The following MYOF variants were observed in gnomAD, a reference collection of about 807,000 sequenced individuals.
The protein encoded by MYOF is fer-1-like 3, myoferlin.
MYOF carries 244 observed loss-of-function variants against 284.2 expected under a neutral mutation model. The observed-to-expected ratio is 0.86, with a 90% CI of 0.77 to 0.95. MYOF has a LOEUF of 0.95. MYOF is among the 40% of genes least tolerant of loss of function. MYOF has a pLI of 0.00. For missense variants in MYOF, 2,496 were observed against 2,560.6 expected, an observed-to-expected ratio of 0.97 and a Z score of 0.54; for synonymous variants, 904 against 919.7, an observed-to-expected ratio of 0.98 and a Z score of 0.31.
chr10:93,319,314 G>A (rs1842754234), intron 49 of MYOF, among the ~76,000 whole-genome samples: 1 of 152,206 alleles, frequency 6.6e-6, no homozygotes, highest in South Asian at 2.1e-4. Context: ...CGGGCTTAAA[G>A]CCAGCAGAAG....
rs1845327897 is a variant in MYOF at position 93,366,389 on chromosome 10, T to C, written c.2753+3A>G. ...CTTTTTACTCAGAAAATGGACAACT[T>C]ACCTTCTTTCAGGATCAACTATCCA... On this transcript the variant is annotated splice_donor_region_variant and intron_variant, in intron 26 of 53. Transcript: ENST00000359263. 5 of 1,610,494 alleles carry C rather than the reference T, an allele frequency of 3.1e-6. No homozygotes were observed. Among genetic ancestry groups the C allele is most frequent in the Non-Finnish European group, 4.2e-6 (5 of 1,179,192 alleles).
intron 38 of MYOF, 47 bp downstream of exon 38, chr10:93,343,809 A>C (rs1304430577): frequency 2.5e-6 from 4 of 1,583,228 alleles, no homozygotes; most frequent in Non-Finnish European, 3.5e-6. Flanking sequence ...ACATCTAAGC[A>C]TAGAAGATAA....
chr10:93,401,654 C>G, intron 11 of MYOF, 110 bp from the exon 12 acceptor site: 1 of 1,438,326 alleles, frequency 7.0e-7, no homozygotes, highest in Non-Finnish European at 9.4e-7. Context: ...ATTAAGATTT[C>G]CTGTGTTTGG....
Position 93,349,938 on chromosome 10 carries a change from T to C in MYOF, c.3953A>G (p.Asn1318Ser). The change falls in exon 36 of 54, where the codon AAC becomes AGC. Residue 1318 changes from asparagine (N) to serine (S), a missense_variant. Physicochemically the swap from Asn to Ser is conservative, Grantham distance 46. Around this residue, in one of 3 missense-constraint regions of MYOF, gnomAD observed 2,436 missense variants for 2,480.7 expected, o/e 0.98. Coordinates refer to ENST00000359263, the MANE Select transcript of MYOF (RefSeq NM_013451.4). Reference protein sequence around the residue: ...ILAWGLRNMKNFQMASITSPS... With the variant: ...ILAWGLRNMKSFQMASITSPS... ...GGATGTGATAGAAGCCATCTGGAAGTTTTTCATATTTCTTAAGCCCCAAGC... is the reference window on the plus strand; with the variant it reads ...GGATGTGATAGAAGCCATCTGGAAGCTTTTCATATTTCTTAAGCCCCAAGC... 6.2e-7 allele frequency: 1 copy of C among 1,614,090 alleles called. No individual in the cohort carries two copies. The highest frequency in any genetic ancestry group is 8.5e-7 in the Non-Finnish European group (1 of 1,180,004).
Position 93,328,769 on chromosome 10 carries a change from C to A in MYOF, c.5125G>T (p.Glu1709Ter). ...TCCACAGCTAGGTGCTCACCAAATT[C>A]ATCCAAGCTGTAGTCTCGTCCTCCA... is the stretch of plus-strand genomic sequence containing the variant. ...RYGGRDYSLDEFEANKILHQH... is the reference protein window; with the variant it reads ...RYGGRDYSLD The change falls in exon 45 of 54, where the codon GAA (glutamate) becomes TAA (stop). Residue 1709 changes from glutamate to a stop codon, truncating the protein, a stop_gained. Coordinates refer to ENST00000359263, the MANE Select transcript of MYOF (RefSeq NM_013451.4). LOFTEE classifies it high-confidence loss of function. 1 of 1,609,618 alleles carries A rather than the reference C, an allele frequency of 6.2e-7. No individual in the cohort carries two copies. The highest frequency in any genetic ancestry group is 1.1e-5 in the South Asian group (1 of 90,898).
At chr10:93,335,529 A>G (rs190364039) in intron 41 of MYOF, among the ~76,000 whole-genome samples, 1 of 152,350 alleles carries the variant, frequency 6.6e-6, no homozygotes, top group East Asian at 1.9e-4. Flanking sequence ...TAGGGGCAGT[A>G]GGATGAAGAG....
intron 1 of MYOF, 123 bp downstream of exon 1, chr10:93,481,984 A>G (rs2057388623): frequency 2.2e-6 from 2 of 911,792 alleles, no homozygotes; most frequent in Admixed American, 4.4e-5. Context: ...CTGCGCAGGT[A>G]ACAAACGCTG....
intron 43 of MYOF, among the ~76,000 whole-genome samples, chr10:93,331,324 A>T (rs1843289384): frequency 6.6e-6 from 1 of 152,262 alleles, no homozygotes; most frequent in South Asian, 2.1e-4. Context: ...CAGAGCCGGC[A>T]TCTCCTTGGC....
intron 3 of MYOF, among the ~76,000 whole-genome samples, chr10:93,435,063 C>G (rs1298149717): frequency 1.3e-5 from 2 of 152,204 alleles, no homozygotes; most frequent in Non-Finnish European, 2.9e-5. Context: ...AGTCATCCAA[C>G]TGGTATTAAA....
At chr10:93,352,069 C>G (rs1039467020) in intron 32 of MYOF, among the ~76,000 whole-genome samples, 20 of 152,160 alleles carry the variant, frequency 1.3e-4, no homozygotes, top group Non-Finnish European at 2.9e-4. Context: ...AGAGGTCACT[C>G]TTTAGAGTAT....
Position 93,366,445 on chromosome 10 carries a change from C to T in MYOF, c.2700G>A (p.Leu900=). Residue 900 remains leucine (L), a synonymous_variant, in exon 26 of 54, where the codon CTG becomes CTA. Coordinates refer to ENST00000359263, the MANE Select transcript of MYOF (RefSeq NM_013451.4). The part of the protein sequence containing the change: ...GKIKLKREFF[L]PPKGWEWEGE... ...CTTCCCATTCCCAGCCTTTTGGAGG[C>T]AGAAAAAATTCCCTCTTGAGTTTTA... 1 of 1,613,940 alleles carries T rather than the reference C, an allele frequency of 6.2e-7. No individual in the cohort carries two copies. Among genetic ancestry groups the T allele is most frequent in the Non-Finnish European group, 8.5e-7 (1 of 1,179,972 alleles).
intron 16 of MYOF, among the ~76,000 whole-genome samples, chr10:93,393,647 T>C (rs1047538261): frequency 6.6e-6 from 1 of 152,268 alleles, no homozygotes; most frequent in Non-Finnish European, 1.5e-5. Context: ...ATTTCAGTCA[T>C]CTTTACCCTC....
intron 52 of MYOF, 64 bp downstream of exon 52, chr10:93,310,470 A>G (rs1027272134): frequency 4.0e-6 from 6 of 1,518,356 alleles, no homozygotes; most frequent in Non-Finnish European, 5.5e-6. Context: ...CATTAAGCCA[A>G]TGGGAAGGGG....
chr10:93,407,409 CAG>C (rs1847648139), intron 7 of MYOF, among the ~76,000 whole-genome samples: 1 of 93,024 alleles, frequency 1.1e-5, no homozygotes, highest in African/African-American at 4.2e-5. Flanking sequence ...GCCTTGGCAA[CAG>C]AGACTCTGTC....
chr10:93,472,959 A>G (rs187797304), intron 1 of MYOF, among the ~76,000 whole-genome samples: 1 of 152,292 alleles, frequency 6.6e-6, no homozygotes, highest in Admixed American at 6.5e-5. Context: ...TTCTCTATAT[A>G]TTTTATCACA....
intron 32 of MYOF, among the ~76,000 whole-genome samples, chr10:93,353,198 C>T (rs1007042181): frequency 6.6e-6 from 1 of 152,144 alleles, no homozygotes; most frequent in African/African-American, 2.4e-5. Flanking sequence ...GGCAAGGACT[C>T]AAATCCCCAG....
At chr10:93,377,497 G>T in intron 21 of MYOF, 68 bp from the exon 22 acceptor site, 1 of 1,080,482 alleles carries the variant, frequency 9.3e-7, no homozygotes, top group Non-Finnish European at 1.4e-6. Flanking sequence ...TTTTCATATA[G>T]TTTAACCTGT....
chr10:93,480,657 G>C (rs554249345), intron 1 of MYOF, among the ~76,000 whole-genome samples: 1 of 151,680 alleles, frequency 6.6e-6, no homozygotes, highest in South Asian at 2.1e-4. Context: ...TGTATTTTTA[G>C]TAGAGATGGG....
chr10:93,366,670 A>G (rs1845340031), intron 25 of MYOF, 115 bp from the exon 26 acceptor site: 1 of 865,380 alleles, frequency 1.2e-6, no homozygotes, highest in Non-Finnish European at 1.7e-6. Context: ...GAAAGCAGAA[A>G]AAAGCTTTAT....
Sources: allele counts gnomAD v4.1 joint callset (sites outside exome capture counted in the v4.1 genomes callset), GRCh38; gene constraint gnomAD v4.1.1; regional missense constraint gnomAD v4.1.1; transcripts MANE v1.5; gene names NCBI Gene and HGNC (gene_info 2026-07-23, HGNC 2026-07-21).